The following ARHGEF2 variants were observed in gnomAD, a reference collection of about 807,000 sequenced individuals.
ARHGEF2 encodes rho guanine nucleotide exchange factor 2.
Under a neutral mutation model 121.0 loss-of-function variants are expected in ARHGEF2, and 22 were observed. The ratio of observed to expected loss-of-function variants is 0.18; its 90% CI spans 0.13 to 0.26. The LOEUF is 0.26. Among genes scored for constraint, ARHGEF2 ranks in the 10% least tolerant of loss-of-function variants. The pLI is 1.00. For missense variants in ARHGEF2, 907 were observed against 1,336.0 expected (o/e 0.68, Z 5.01); for synonymous variants, 487 against 530.0 (o/e 0.92, Z 1.11).
chr1:155,954,465 T>G (rs2102640156), intron 14 of ARHGEF2, among the ~76,000 whole-genome samples: 1 of 146,288 alleles, frequency 6.8e-6, no homozygotes, highest in South Asian at 2.2e-4. Flanking sequence ...TTTTTTGTAT[T>G]TTTTAGTAGA....
chr1:155,979,344 GC>G, upstream of ARHGEF2: 1 of 985,312 alleles, frequency 1.0e-6, no homozygotes, highest in Non-Finnish European at 1.2e-6. Context: ...CCAGAAACCA[GC>G]CTGCCCTAGT....
In ARHGEF2 at chr1:155,961,618, A is replaced by C. The variant is rs776209891; in HGVS notation, c.1468+43T>G. 2.5e-6 allele frequency: 4 copies of C among 1,586,924 alleles called. No homozygotes were observed. The South Asian group carries it at 4.5e-5, about 18-fold the overall frequency. On this transcript the variant is annotated intron_variant, in intron 11 of 21. Coordinates refer to ENST00000361247, the MANE Select transcript of ARHGEF2 (RefSeq NM_001162383.2). This position sits in a 1 kb window ranked among gnomAD's most constrained non-coding sequence, Gnocchi z 4.7. ...GACCTGCAGGCATCTCCCACTCTCC[A>C]TCTGACTTTGAATTCCTGCCTAGTC... is the stretch of plus-strand genomic sequence containing the variant.
intron 13 of ARHGEF2, among the ~76,000 whole-genome samples, chr1:155,956,225 C>T (rs940361292): frequency 2.6e-5 from 4 of 152,044 alleles, no homozygotes; most frequent in East Asian, 1.9e-4. Context: ...CAGCTTCCCG[C>T]GTAACTGGGA....
chr1:155,958,918 G>A (rs1677273554), intron 11 of ARHGEF2, among the ~76,000 whole-genome samples: 1 of 123,022 alleles, frequency 8.1e-6, no homozygotes, highest in African/African-American at 3.0e-5. Flanking sequence ...GGTGGGGGGT[G>A]GGGGGCGGGC....
rs41264995 is a variant in ARHGEF2, at chr1:155,947,598, G to C, written c.*344C>G. On this transcript the variant is annotated 3_prime_UTR_variant, in exon 22 of 22. Coordinates refer to ENST00000361247, the MANE Select transcript of ARHGEF2 (RefSeq NM_001162383.2). ...TACCCCAGTAGTGTTCAAGGACAAG[G>C]CCCTCTGATCCCTATGGCTTGGTTC... The C allele has an allele frequency of 0.09, 33,080 of 367,112 alleles. 1,906 individuals are homozygous for C. The highest frequency in any genetic ancestry group is 0.12 in the Non-Finnish European group (23,190 of 189,896). The allele number at this position is 367,112 out of a possible 1,614,324, so 22.7% of individuals were successfully genotyped here.
upstream of ARHGEF2, chr1:155,978,759 C>A (rs1681815917): frequency 4.9e-6 from 4 of 812,708 alleles, no homozygotes; most frequent in South Asian, 2.3e-4. This position sits in a 1 kb window ranked among gnomAD's most constrained non-coding sequence, Gnocchi z 4.1. Flanking sequence ...CGCCTGGGGG[C>A]GCCCTCTAGC....
In ARHGEF2 at chr1:155,965,873, C is replaced by A. The variant is rs938897422; in HGVS notation, c.341-113G>T. ...GGCATCCTCTCACTCCACCTCAGCCCCTCTAGTCAAGAAAGATGGTAATGA... is the reference window on the plus strand; with the variant it reads ...GGCATCCTCTCACTCCACCTCAGCCACTCTAGTCAAGAAAGATGGTAATGA... On this transcript the variant is annotated intron_variant, in intron 4 of 21. Transcript: ENST00000361247. The surrounding 1 kb of genome is among the most constrained non-coding windows in gnomAD (Gnocchi z 6.0). The A allele has an allele frequency of 7.7e-6, 10 of 1,297,280 alleles. No individual in the cohort carries two copies. In the African/African-American group the frequency reaches 1.5e-4, roughly 19 times the overall value. 80.4% of individuals were successfully genotyped at this position (1,297,280 alleles called of 1,614,324 possible).
intron 13 of ARHGEF2, among the ~76,000 whole-genome samples, chr1:155,956,345 C>T (rs1303486680): frequency 1.3e-5 from 2 of 151,320 alleles, no homozygotes; most frequent in African/African-American, 2.4e-5. Flanking sequence ...GTGATCTACC[C>T]GCCTCAGCCT....
At position 155,962,059 on chromosome 1, in the gene ARHGEF2, C is replaced by G. The variant is rs1430720091; in HGVS notation, c.1219+46G>C. ...GGTCATACCGAGCCTTTCCTCACCCCAGGTGGCCGTCTCCCAGTGGCCCTC... is the reference window on the plus strand; with the variant it reads ...GGTCATACCGAGCCTTTCCTCACCCGAGGTGGCCGTCTCCCAGTGGCCCTC... On this transcript the variant is annotated intron_variant, in intron 10 of 21. Coordinates refer to ENST00000361247, the MANE Select transcript of ARHGEF2 (RefSeq NM_001162383.2). This position sits in a 1 kb window ranked among gnomAD's most constrained non-coding sequence, Gnocchi z 5.8. 1.2e-6 allele frequency: 2 copies of G among 1,610,890 alleles called. No individual in the cohort carries two copies. The highest frequency in any genetic ancestry group is 2.2e-5 in the South Asian group (2 of 90,982).
intron 1 of ARHGEF2, among the ~76,000 whole-genome samples, chr1:155,972,590 T>G (rs1036814884): frequency 6.6e-6 from 1 of 151,946 alleles, no homozygotes; most frequent in African/African-American, 2.4e-5. Flanking sequence ...AGACCCAACC[T>G]ATGCACCAAG....
intron 1 of ARHGEF2, among the ~76,000 whole-genome samples, chr1:155,974,835 G>C (rs71628699): frequency 7.7e-6 from 1 of 130,612 alleles, no homozygotes; most frequent in Non-Finnish European, 1.8e-5. Context: ...CCAGGAGAGA[G>C]AGACAAGCAG....
At chr1:155,969,518 T>G (rs1680069994) in intron 1 of ARHGEF2, 7 of 1,400,718 alleles carry the variant, frequency 5.0e-6, no homozygotes. Context: ...GGATGGGTTC[T>G]GGGTCCCTGA....
chr1:155,973,512 G>A (rs1680815427), intron 1 of ARHGEF2, among the ~76,000 whole-genome samples: 1 of 152,152 alleles, frequency 6.6e-6, no homozygotes, highest in South Asian at 2.1e-4. Context: ...TTGAGAGGCC[G>A]AGGCGGGCAG....
Position 155,951,345 on chromosome 1 carries a change from A to G in ARHGEF2, c.2260-73T>C. 1.3e-6 allele frequency: 2 copies of G among 1,565,408 alleles called. No homozygotes were observed. The highest frequency in any genetic ancestry group is 8.7e-7 in the Non-Finnish European group (1 of 1,148,138). On this transcript the variant is annotated intron_variant, in intron 19 of 21. Transcript: ENST00000361247. The surrounding 1 kb of genome is among the most constrained non-coding windows in gnomAD (Gnocchi z 5.1). ...TTCTACCCCTCGCCTTCACCCTCCA[A>G]GGCCCAGATCATCGCTCCTGGAGAG...
chr1:155,958,868 C>G (rs946781400), intron 11 of ARHGEF2, among the ~76,000 whole-genome samples: 2 of 140,662 alleles, frequency 1.4e-5, no homozygotes, highest in Non-Finnish European at 3.0e-5. Context: ...TATGAGCCAC[C>G]GCGCCTGGTC....
chr1:155,954,924 C>T lies in ARHGEF2; in HGVS notation c.1761G>A (p.Glu587=), dbSNP rs755754740. ...TACTCTTAATTCGCCGCAGGTAAGC[C>T]TCATCCTCTGTCTCAATCAGGGGGA... The part of the protein sequence containing the change: ...EDFPLIETED[E]AYLRRIKMEL... Residue 587 remains glutamate, a synonymous_variant, in exon 14 of 22, where the codon GAG becomes GAA. Transcript: ENST00000361247. The T allele has an allele frequency of 1.2e-6, 2 of 1,611,924 alleles. No homozygotes were observed. Among genetic ancestry groups the T allele is most frequent in the Non-Finnish European group, 1.7e-6 (2 of 1,179,088 alleles).
Position 155,962,627 on chromosome 1 carries a change from T to C in ARHGEF2, c.1067A>G (p.Tyr356Cys). The C allele has an allele frequency of 6.2e-7, 1 of 1,614,126 alleles. No homozygotes were observed. The highest frequency in any genetic ancestry group is 8.5e-7 in the Non-Finnish European group (1 of 1,180,018). Reference protein sequence around the residue: ...SKALKLYKELYARDKRFQQFI... With the variant: ...SKALKLYKELCARDKRFQQFI... ...TTGCTGGAAGCGTTTGTCTCGGGCG[T>C]ACAGCTCCTTATAGAGCTTTAAGGC... Residue 356 changes from tyrosine to cysteine, a missense_variant, in exon 9 of 22, where the codon TAC becomes TGC. Tyr to Cys is a radical substitution (Grantham distance 194, BLOSUM62 -2). Coordinates refer to ENST00000361247, the MANE Select transcript of ARHGEF2 (RefSeq NM_001162383.2). The surrounding 1 kb of genome is among the most constrained non-coding windows in gnomAD (Gnocchi z 5.8).
chr1:155,951,030 G>A lies in ARHGEF2; in HGVS notation c.2502C>T (p.Ser834=), dbSNP rs1230579581. The A allele has an allele frequency of 6.2e-7, 1 of 1,604,438 alleles. No individual in the cohort carries two copies. The highest frequency in any genetic ancestry group is 1.7e-5 in the Admixed American group (1 of 58,860). The change falls in exon 20 of 22, where the codon AGC becomes AGT. Residue 834 remains serine, a synonymous_variant. Coordinates refer to ENST00000361247, the MANE Select transcript of ARHGEF2 (RefSeq NM_001162383.2). The surrounding 1 kb of genome is among the most constrained non-coding windows in gnomAD (Gnocchi z 5.1). ...CACTCTCCCGGAGCCGGGCCTCCAG[G>A]CTGCCAGCTTCGGTTGCCCGTTCTT... The part of the protein sequence containing the change: ...LGEERATEAG[S]LEARLRESEQ...
At chr1:155,966,987 CG>C in intron 2 of ARHGEF2, 100 bp from the exon 3 acceptor site, 1 of 1,152,116 alleles carries the variant, frequency 8.7e-7, no homozygotes, top group Admixed American at 1.8e-5. Context: ...ACACAGTCCT[CG>C]GGGACTCTCC....
Sources: allele counts gnomAD v4.1 joint callset (sites outside exome capture counted in the v4.1 genomes callset), GRCh38; gene constraint gnomAD v4.1.1; non-coding constraint Gnocchi (gnomAD v3.1); transcripts MANE v1.5; gene names NCBI Gene and HGNC (gene_info 2026-07-23, HGNC 2026-07-21).